MAF: variants seen among roughly 807,000 people sequenced by gnomAD.
MAF encodes MAF bZIP transcription factor.
A neutral mutation model predicts 22.0 loss-of-function variants in MAF; 10 were observed. The ratio of observed to expected loss-of-function variants is 0.45; its 90% CI spans 0.28 to 0.77. The LOEUF (loss-of-function observed/expected upper bound fraction) is 0.77. MAF is among the 30% of genes least tolerant of loss of function. MAF has a pLI of 0.12. For missense variants in MAF, 544 were observed against 548.4 expected (o/e 0.99, Z 0.08); for synonymous variants, 337 against 255.8 (o/e 1.32, Z -3.03).
the MAF span, among the ~76,000 whole-genome samples, chr16:79,520,074 T>C: frequency 2.6e-5 from 4 of 152,132 alleles, no homozygotes; most frequent in Non-Finnish European, 5.9e-5. Flanking sequence ...TTCGCATAGG[T>C]ATTGCAAAGA....
chr16:79,486,811 G>T, the MAF span, among the ~76,000 whole-genome samples: 1 of 152,142 alleles, frequency 6.6e-6, no homozygotes, highest in Non-Finnish European at 1.5e-5. Flanking sequence ...TTTCACCTTG[G>T]GTGGGATAGA....
the MAF span, among the ~76,000 whole-genome samples, chr16:79,278,496 C>T: frequency 1.3e-5 from 2 of 151,962 alleles, no homozygotes; most frequent in African/African-American, 4.8e-5. Flanking sequence ...TCAACTTGTT[C>T]TCTCACCTAA....
chr16:79,287,561 G>C, the MAF span, among the ~76,000 whole-genome samples: 1 of 152,216 alleles, frequency 6.6e-6, no homozygotes. Flanking sequence ...ATTAAAGCTG[G>C]AGTGTCTACG....
At chr16:79,248,950 AT>A in the MAF span, among the ~76,000 whole-genome samples, 1 of 152,328 alleles carries the variant, frequency 6.6e-6, no homozygotes, top group Admixed American at 6.5e-5. Context: ...ATTTAAAAAT[AT>A]ATTTTAAAAA....
chr16:79,448,766 A>C, the MAF span, among the ~76,000 whole-genome samples: 24 of 149,296 alleles, frequency 1.6e-4, no homozygotes, highest in Non-Finnish European at 2.5e-4. Flanking sequence ...AAAAAAAAAA[A>C]CACACACAAT....
At chr16:79,593,623 T>C (rs1478725578), downstream of MAF, among the ~76,000 whole-genome samples, 1 of 152,198 alleles carries the variant, frequency 6.6e-6, no homozygotes, top group African/African-American at 2.4e-5. Flanking sequence ...AGTGAGGAAA[T>C]GATGTCTCCG....
rs1208481890 is a variant in MAF, at chr16:79,598,786, T to G, written c.1117A>C (p.Ile373Leu). 6.2e-7 allele frequency: 1 copy of G among 1,613,718 alleles called. No individual in the cohort carries two copies. The highest frequency in any genetic ancestry group is 1.1e-5 in the South Asian group (1 of 91,006). The change falls in exon 1 of 2, where the codon ATA becomes CTA. Residue 373 changes from isoleucine to leucine, a missense_variant and splice_region_variant. By Grantham distance (5) the Ile-to-Leu change is conservative. Transcript: ENST00000326043. ...SDNPSSPEFF[I>L]TEPTRKLEPS... ...GCTGGAATCGCGTGTCAGACTCACA[T>G]GAAAAACTCGGGAGAGGACGGGTTG...
At chr16:79,529,893 G>A in the MAF span, among the ~76,000 whole-genome samples, 7 of 139,194 alleles carry the variant, frequency 5.0e-5, no homozygotes, top group Non-Finnish European at 7.9e-5. Context: ...CCTGGGAGGC[G>A]GAGGTTGCAG....
At chr16:79,271,342 C>T in the MAF span, among the ~76,000 whole-genome samples, 42 of 152,270 alleles carry the variant, frequency 2.8e-4, no homozygotes, top group African/African-American at 1.0e-3. Context: ...ATAAAATTTC[C>T]CAGCCTCCCA....
At chr16:79,262,825 C>G in the MAF span, among the ~76,000 whole-genome samples, 17 of 152,288 alleles carry the variant, frequency 1.1e-4, no homozygotes, top group African/African-American at 4.1e-4. Flanking sequence ...AGAGAGTTAT[C>G]TAGAAGCTGG....
chr16:79,357,697 G>A, the MAF span, among the ~76,000 whole-genome samples: 53 of 152,234 alleles, frequency 3.5e-4, no homozygotes, highest in South Asian at 7.3e-3. Flanking sequence ...GCACTGCTTG[G>A]ACTGGTTACT....
At chr16:79,485,116 G>C in the MAF span, among the ~76,000 whole-genome samples, 9 of 152,198 alleles carry the variant, frequency 5.9e-5, no homozygotes, top group African/African-American at 1.9e-4. Flanking sequence ...ACGTGGTATA[G>C]ATACCAGATA....
the MAF span, among the ~76,000 whole-genome samples, chr16:79,434,137 G>T: frequency 6.6e-6 from 1 of 152,192 alleles, no homozygotes; most frequent in Non-Finnish European, 1.5e-5. Flanking sequence ...CCATGCAACT[G>T]CACACTGGGC....
chr16:79,534,845 A>G, the MAF span, among the ~76,000 whole-genome samples: 1 of 152,202 alleles, frequency 6.6e-6, no homozygotes, highest in African/African-American at 2.4e-5. Context: ...GCAGATTTGG[A>G]AAGAAACATC....
the MAF span, among the ~76,000 whole-genome samples, chr16:79,288,100 C>A: frequency 6.6e-6 from 1 of 151,974 alleles, no homozygotes; most frequent in East Asian, 1.9e-4. Flanking sequence ...GGAGGGAGGG[C>A]AGAGGGAGGG....
chr16:79,322,903 C>G, the MAF span, among the ~76,000 whole-genome samples: 4 of 152,012 alleles, frequency 2.6e-5, no homozygotes, highest in Admixed American at 2.0e-4. Context: ...GTAATCCCAG[C>G]ACTTTGGGAG....
the MAF span, among the ~76,000 whole-genome samples, chr16:79,350,136 A>G: frequency 6.6e-6 from 1 of 152,196 alleles, no homozygotes; most frequent in Non-Finnish European, 1.5e-5. Flanking sequence ...CAACCTGTGT[A>G]CAGATGATTT....
the MAF span, among the ~76,000 whole-genome samples, chr16:79,509,482 C>T: frequency 5.3e-5 from 8 of 152,218 alleles, no homozygotes; most frequent in Admixed American, 6.5e-5. Context: ...ATGTTGGCAG[C>T]GGGGCCCTTG....
At chr16:79,232,837 C>CTTTT in the MAF span, among the ~76,000 whole-genome samples, 17 of 113,802 alleles carry the variant, frequency 1.5e-4, no homozygotes, top group African/African-American at 2.7e-4. Flanking sequence ...ATAAGCCATT[C>CTTTT]TTTTTTTTTT....
Sources: allele counts gnomAD v4.1 joint callset (sites outside exome capture counted in the v4.1 genomes callset), GRCh38; gene constraint gnomAD v4.1.1; transcripts MANE v1.5; gene names NCBI Gene and HGNC (gene_info 2026-07-23, HGNC 2026-07-21).